TMEM230: variants seen among roughly 807,000 people sequenced by gnomAD.
TMEM230 encodes UPF0414 transmembrane protein C20orf30.
In TMEM230, 10 loss-of-function variants were observed where a neutral mutation model predicts 15.8. The ratio of observed to expected loss-of-function variants is 0.63; its 90% confidence interval spans 0.39 to 1.07. TMEM230 has a LOEUF of 1.07. Among genes scored for constraint, TMEM230 ranks in the 50% least tolerant of loss-of-function variants. The probability of loss-of-function intolerance (pLI) is 0.01; values close to 1 mark genes in which losing one functional copy is unlikely to be tolerated. For synonymous variants in TMEM230, 67 were observed against 76.9 expected, an observed-to-expected ratio of 0.87 and a Z score of 0.68; for missense variants, 165 against 193.3, an observed-to-expected ratio of 0.85 and a Z score of 0.87.
chr20:5,094,704 CAAAAAAAAAAA>C (rs774664710), intron 3 of TMEM230, among the ~76,000 whole-genome samples: 12 of 61,618 alleles, frequency 1.9e-4, no homozygotes, highest in Non-Finnish European at 2.9e-4. Context: ...GACTCCATCT[CAAAAAAAAAAA>C]AAAAAAAAAA....
chr20:5,103,853 G>A (rs2089969394), intron 4 of TMEM230, among the ~76,000 whole-genome samples: 1 of 152,058 alleles, frequency 6.6e-6, no homozygotes, highest in Non-Finnish European at 1.5e-5. Flanking sequence ...AAAACATGGG[G>A]GAAACTCTCC....
chr20:5,105,921 C>G (rs1472506681), intron 4 of TMEM230, among the ~76,000 whole-genome samples: 1 of 152,018 alleles, frequency 6.6e-6, no homozygotes, highest in Non-Finnish European at 1.5e-5. Flanking sequence ...ATAAAATTAG[C>G]TGGGTGTGGT....
chr20:5,091,250 C>CG, intron 3 of TMEM230, among the ~76,000 whole-genome samples: 2 of 152,214 alleles, frequency 1.3e-5, no homozygotes, highest in Middle Eastern at 6.8e-3. Context: ...GATGGAGCTT[C>CG]GCCCTTGTTG....
chr20:5,112,961 C>G lies in TMEM230; in HGVS notation c.68G>C (p.Arg23Pro), dbSNP rs765701142. The G allele has an allele frequency of 1.9e-6, 3 of 1,550,110 alleles. No homozygotes were observed. Among genetic ancestry groups the G allele is most frequent in the Non-Finnish European group, 2.6e-6 (3 of 1,146,952 alleles). ...CCGCCCTGCCGCACACACGCCTTAC[C>G]GGAGCGCCGCGCCAGGCCGCCCGCA... is the stretch of plus-strand genomic sequence containing the variant. Residue 23 changes from arginine to proline, a missense_variant and splice_region_variant, in exon 1 of 5, where the codon CGA (arginine) becomes CCA (proline). Transcript: ENST00000342308.
chr20:5,071,744 GTCT>G (rs2088836969), intron 3 of TMEM230, among the ~76,000 whole-genome samples: 4 of 151,812 alleles, frequency 2.6e-5, no homozygotes, highest in African/African-American at 9.7e-5. Context: ...GTAGAAAAAT[GTCT>G]TCTTTTATTT....
At chr20:5,074,081 C>T (rs2088912262) in intron 3 of TMEM230, among the ~76,000 whole-genome samples, 1 of 152,138 alleles carries the variant, frequency 6.6e-6, no homozygotes, top group Non-Finnish European at 1.5e-5. Context: ...AGCAAGAGCT[C>T]ACTCATTACC....
downstream of TMEM230, among the ~76,000 whole-genome samples, chr20:5,099,239 T>A (rs1358260891): frequency 1.7e-4 from 3 of 17,836 alleles, no homozygotes; most frequent in Non-Finnish European, 3.0e-4. Context: ...AATAAATCAA[T>A]CAATCAATAA....
At chr20:5,097,622 G>A (rs1479172666), downstream of TMEM230, among the ~76,000 whole-genome samples, 1 of 152,086 alleles carries the variant, frequency 6.6e-6, no homozygotes, top group Non-Finnish European at 1.5e-5. Flanking sequence ...TTCAGGCTTT[G>A]CCTTATAATT....
At chr20:5,073,276 G>A (rs2088885825) in intron 3 of TMEM230, among the ~76,000 whole-genome samples, 2 of 152,254 alleles carry the variant, frequency 1.3e-5, no homozygotes, top group South Asian at 4.1e-4. Flanking sequence ...CGTCACAGGT[G>A]TGGGAAAGAA....
At chr20:5,065,405 C>G (rs894033625), downstream of TMEM230, among the ~76,000 whole-genome samples, 4 of 152,204 alleles carry the variant, frequency 2.6e-5, no homozygotes, top group African/African-American at 9.7e-5. Context: ...GGGATGGGAA[C>G]AGAGAAATCT....
chr20:5,059,910 G>C, the TMEM230 span, among the ~76,000 whole-genome samples: 1 of 105,550 alleles, frequency 9.5e-6, no homozygotes, highest in Non-Finnish European at 2.0e-5. Context: ...CTCCTGAGTA[G>C]CCAGGCAACC....
At chr20:5,084,592 T>C (rs1016943521) in intron 3 of TMEM230, among the ~76,000 whole-genome samples, 4 of 152,134 alleles carry the variant, frequency 2.6e-5, no homozygotes, top group African/African-American at 9.7e-5. Context: ...TGGAGTGCAG[T>C]GGCGCAATCT....
intron 3 of TMEM230, among the ~76,000 whole-genome samples, chr20:5,084,572 T>C (rs924891220): frequency 6.6e-6 from 1 of 152,098 alleles, no homozygotes; most frequent in African/African-American, 2.4e-5. Flanking sequence ...TCTTGCTCTG[T>C]TGCCCAGGCT....
At chr20:5,079,062 ACT>A (rs1375299874) in intron 3 of TMEM230, among the ~76,000 whole-genome samples, 3 of 152,078 alleles carry the variant, frequency 2.0e-5, no homozygotes, top group Non-Finnish European at 2.9e-5. Context: ...GATATTTGTG[ACT>A]CTTTTTGCAT....
intron 3 of TMEM230, among the ~76,000 whole-genome samples, chr20:5,108,420 CA>C (rs556966217): frequency 0.3 from 24,137 of 79,784 alleles, 2,934 homozygotes; most frequent in African/African-American, 0.51. Flanking sequence ...ACTCCGTCTC[CA>C]AAAAAAAAAA....
chr20:5,087,419 AGAT>A (rs1263242634), intron 3 of TMEM230, among the ~76,000 whole-genome samples: 1 of 152,048 alleles, frequency 6.6e-6, no homozygotes, highest in East Asian at 2.0e-4. Context: ...TTCCAGATTT[AGAT>A]GATGAGCTGA....
intron 3 of TMEM230, among the ~76,000 whole-genome samples, chr20:5,076,024 G>A (rs1200087938): frequency 2.0e-5 from 3 of 151,720 alleles, no homozygotes; most frequent in South Asian, 2.1e-4. Context: ...TGGGAGGGTC[G>A]CTTGAGCTTG....
intron 3 of TMEM230, among the ~76,000 whole-genome samples, chr20:5,086,236 A>T (rs2089333714): frequency 6.6e-6 from 1 of 150,690 alleles, no homozygotes; most frequent in Non-Finnish European, 1.5e-5. Context: ...CTATTAAAAA[A>T]AAAAAAAAAA....
chr20:5,060,006 A>C, the TMEM230 span, among the ~76,000 whole-genome samples: 1 of 152,084 alleles, frequency 6.6e-6, no homozygotes, highest in African/African-American at 2.4e-5. Context: ...TCCTGACCTG[A>C]GGTAATCCAC....
Sources: allele counts gnomAD v4.1 joint callset (sites outside exome capture counted in the v4.1 genomes callset), GRCh38; gene constraint gnomAD v4.1.1; transcripts MANE v1.5; gene names NCBI Gene and HGNC (gene_info 2026-07-23, HGNC 2026-07-21).